The following RBPJ variants were observed in gnomAD, a reference collection of about 807,000 sequenced individuals.
RBPJ encodes recombination signal binding protein for immunoglobulin kappa J region.
A neutral mutation model predicts 67.8 loss-of-function variants in RBPJ; 9 were observed. That is an observed-to-expected ratio of 0.13 (90% CI 0.08 to 0.23). The LOEUF (loss-of-function observed/expected upper bound fraction) is 0.23. Ranked by LOEUF, RBPJ falls within the 10% of genes least tolerant of loss-of-function variation. RBPJ has a pLI of 1.00. For synonymous variants in RBPJ, 198 were observed against 203.3 expected (o/e 0.97, Z 0.22); for missense variants, 305 against 595.6 (o/e 0.51, Z 5.08).
At chr4:26,196,378 A>C (rs906211247) in intron 1 of RBPJ, among the ~76,000 whole-genome samples, 21 of 152,220 alleles carry the variant, frequency 1.4e-4, no homozygotes, top group Admixed American at 1.0e-3. Flanking sequence ...TGTCCAGAAG[A>C]GGTGAATTTG....
chr4:26,183,226 C>T (rs1458902095), intron 1 of RBPJ, among the ~76,000 whole-genome samples: 1 of 152,204 alleles, frequency 6.6e-6, no homozygotes, highest in Non-Finnish European at 1.5e-5. Flanking sequence ...TACTCATAAA[C>T]ATGTGAGTAA....
chr4:26,110,688 T>G, the RBPJ span, among the ~76,000 whole-genome samples: 1 of 152,206 alleles, frequency 6.6e-6, no homozygotes, highest in Admixed American at 6.5e-5. This position sits in a 1 kb window ranked among gnomAD's most constrained non-coding sequence, Gnocchi z 4.5. Flanking sequence ...AGAGGCACCA[T>G]GTTGAGGCTT....
intron 1 of RBPJ, among the ~76,000 whole-genome samples, chr4:26,360,344 A>G (rs1473794107): frequency 6.6e-6 from 1 of 152,180 alleles, no homozygotes; most frequent in East Asian, 1.9e-4. Context: ...TTAATGGCAT[A>G]TCAGATATAC....
chr4:26,319,547 C>A (rs1351494472), upstream of RBPJ: 1 of 365,578 alleles, frequency 2.7e-6, no homozygotes. Context: ...CTGGTCTAGG[C>A]AAACACCTGT....
upstream of RBPJ, among the ~76,000 whole-genome samples, chr4:26,319,169 C>A (rs1222877470): frequency 6.6e-6 from 1 of 152,122 alleles, no homozygotes; most frequent in African/African-American, 2.4e-5. Flanking sequence ...GGCGCGGTGT[C>A]TAACACGTTT....
the RBPJ span, among the ~76,000 whole-genome samples, chr4:26,149,824 G>C: frequency 1.3e-4 from 20 of 152,172 alleles, no homozygotes; most frequent in Non-Finnish European, 2.8e-4. Flanking sequence ...ATATGTCTTT[G>C]CCACACTGGT....
At chr4:26,185,619 G>C (rs994173739) in intron 1 of RBPJ, among the ~76,000 whole-genome samples, 2 of 152,160 alleles carry the variant, frequency 1.3e-5, no homozygotes, top group African/African-American at 4.8e-5. Flanking sequence ...TAAGGCATTT[G>C]TATGGTGATT....
At position 26,214,051 on chromosome 4, in the gene RBPJ, G is replaced by A. The variant is rs534471714; in HGVS notation, c.-167+50437G>A. ...TGTAATCCCAGCATTCTGGGAAGCC[G>A]AGGTGGGAGGATCACTTAAGCTCAG... On this transcript the variant is annotated intron_variant, in intron 1 of 4. Transcript: ENST00000512351. 3.5e-4 allele frequency among the ~76,000 whole-genome samples: 53 copies of A among 152,084 alleles called. 1 individual carries two copies. The highest frequency in any genetic ancestry group is 2.4e-3 in the Admixed American group (37 of 15,252).
chr4:26,152,778 A>C, the RBPJ span, among the ~76,000 whole-genome samples: 1 of 152,218 alleles, frequency 6.6e-6, no homozygotes, highest in South Asian at 2.1e-4. Context: ...GAGAAGTTGA[A>C]AAGAGTGGAA....
intron 1 of RBPJ, among the ~76,000 whole-genome samples, chr4:26,164,101 A>G (rs4692080): frequency 6.8e-6 from 1 of 147,638 alleles, no homozygotes; most frequent in East Asian, 1.9e-4. Flanking sequence ...GGTAGGTGAT[A>G]CTGATCACGT....
the RBPJ span, among the ~76,000 whole-genome samples, chr4:26,108,567 G>A: frequency 3.3e-5 from 5 of 152,332 alleles, no homozygotes; most frequent in East Asian, 9.6e-4. Context: ...AAGTTTGCCT[G>A]ACTCTCTGCA....
intron 1 of RBPJ, among the ~76,000 whole-genome samples, chr4:26,325,902 A>AT (rs1429997622): frequency 3.9e-5 from 6 of 152,178 alleles, no homozygotes; most frequent in Non-Finnish European, 5.9e-5. Context: ...GGCTGTATAA[A>AT]TACTGTATAT....
the RBPJ span, among the ~76,000 whole-genome samples, chr4:26,149,439 G>T: frequency 5.8e-3 from 888 of 152,274 alleles, 9 homozygotes; most frequent in African/African-American, 0.02. Flanking sequence ...CAAGGTATCC[G>T]TGAGTGGGGA....
At chr4:26,209,099 ATAT>A (rs1560211090) in intron 1 of RBPJ, among the ~76,000 whole-genome samples, 1 of 38,260 alleles carries the variant, frequency 2.6e-5, no homozygotes, top group Non-Finnish European at 5.5e-5. Context: ...AAGAAAAAAA[ATAT>A]ATATATATAT....
At chr4:26,306,200 T>G (rs1183760323) in intron 1 of RBPJ, among the ~76,000 whole-genome samples, 1 of 152,144 alleles carries the variant, frequency 6.6e-6, no homozygotes, top group African/African-American at 2.4e-5. Flanking sequence ...CTTCATTATC[T>G]TGCCTAATTG....
At chr4:26,380,508 C>G (rs1011210564) in intron 1 of RBPJ, among the ~76,000 whole-genome samples, 2 of 152,054 alleles carry the variant, frequency 1.3e-5, no homozygotes, top group Non-Finnish European at 2.9e-5. Flanking sequence ...AATTACTAAG[C>G]AGCTTCTTAG....
chr4:26,279,785 CTTTT>C (rs1026614295), intron 1 of RBPJ, among the ~76,000 whole-genome samples: 1 of 116,690 alleles, frequency 8.6e-6, no homozygotes, highest in Non-Finnish European at 1.8e-5. Context: ...TTGAAATTGT[CTTTT>C]TTTTTTTTTT....
chr4:26,281,866 G>T (rs528552485), intron 1 of RBPJ, among the ~76,000 whole-genome samples: 2 of 152,238 alleles, frequency 1.3e-5, no homozygotes, highest in African/African-American at 4.8e-5. Flanking sequence ...TAATTTAACA[G>T]TTCTTAGTTT....
intron 1 of RBPJ, among the ~76,000 whole-genome samples, chr4:26,298,938 G>T (rs1314233389): frequency 6.6e-6 from 1 of 151,612 alleles, no homozygotes; most frequent in Admixed American, 6.6e-5. Context: ...ACCATTGAAG[G>T]CACATTTAAA....
Sources: gnomAD v4.1 joint callset for allele counts (sites outside exome capture counted in the v4.1 genomes callset) on GRCh38, gnomAD v4.1.1 for gene constraint, Gnocchi (gnomAD v3.1) non-coding constraint, MANE v1.5 for transcripts, NCBI Gene and HGNC (gene_info 2026-07-23, HGNC 2026-07-21) for gene names.